The following TRIP12 variants were observed in gnomAD, a reference collection of about 807,000 sequenced individuals.
The protein encoded by TRIP12 is thyroid hormone receptor interactor 12.
A neutral mutation model predicts 244.2 loss-of-function variants in TRIP12; 25 were observed. That is an observed-to-expected ratio of 0.10 (90% CI 0.07 to 0.14). The LOEUF (loss-of-function observed/expected upper bound fraction) is 0.14, where lower values mean the gene tolerates loss of function less well. TRIP12 is among the 10% of genes least tolerant of loss of function. TRIP12 has a pLI of 1.00. For missense variants in TRIP12, 1,677 were observed against 2,486.4 expected, an observed-to-expected ratio of 0.67 and a Z score of 6.92; for synonymous variants, 905 against 873.1, an observed-to-expected ratio of 1.04 and a Z score of -0.64.
chr2:229,772,781 TTC>T (rs10628270), intron 38 of TRIP12, among the ~76,000 whole-genome samples: 20 of 150,390 alleles, frequency 1.3e-4, no homozygotes, highest in South Asian at 1.3e-3. Context: ...TTAACCTATA[TTC>T]TCTCTCTCTC....
chr2:229,839,989 T>C (rs1333791439), intron 5 of TRIP12, among the ~76,000 whole-genome samples: 1 of 152,224 alleles, frequency 6.6e-6, no homozygotes, highest in African/African-American at 2.4e-5. Context: ...AAAGGTGTTA[T>C]AAAAATTAAG....
chr2:229,908,923 T>G (rs2073639150), intron 1 of TRIP12, among the ~76,000 whole-genome samples: 1 of 150,886 alleles, frequency 6.6e-6, no homozygotes, highest in African/African-American at 2.4e-5. Context: ...GAGACCCCTC[T>G]ACAAAAAATA....
At chr2:229,795,037 T>C (rs2042472262) in intron 26 of TRIP12, 142 bp downstream of exon 26, 1 of 918,814 alleles carries the variant, frequency 1.1e-6, no homozygotes, top group Admixed American at 2.6e-5. Context: ...ATTCATTCTT[T>C]AGAGTGCTTA....
intron 1 of TRIP12, among the ~76,000 whole-genome samples, chr2:229,905,581 A>G (rs1047848739): frequency 2.0e-5 from 3 of 152,218 alleles, no homozygotes; most frequent in Non-Finnish European, 2.9e-5. Context: ...TGATCCCTTC[A>G]GGTAACAAAG....
chr2:229,819,372 G>A (rs903594606), intron 8 of TRIP12, among the ~76,000 whole-genome samples: 1 of 151,924 alleles, frequency 6.6e-6, no homozygotes, highest in African/African-American at 2.4e-5. Flanking sequence ...TGGCGAAACC[G>A]CATCTCCACT....
chr2:229,878,178 G>A (rs372174634), intron 2 of TRIP12, among the ~76,000 whole-genome samples: 15 of 152,270 alleles, frequency 9.9e-5, no homozygotes, highest in African/African-American at 3.1e-4. Flanking sequence ...AAGGCTGGGC[G>A]CGGTGGCTAA....
intron 33 of TRIP12, among the ~76,000 whole-genome samples, chr2:229,786,213 G>C (rs1356202291): frequency 6.6e-6 from 1 of 152,116 alleles, no homozygotes; most frequent in Non-Finnish European, 1.5e-5. Flanking sequence ...TTTAGATAGA[G>C]AAATAGATAT....
intron 1 of TRIP12, among the ~76,000 whole-genome samples, chr2:229,907,297 A>G (rs534534991): frequency 9.2e-5 from 14 of 152,196 alleles, no homozygotes; most frequent in Non-Finnish European, 1.8e-4. Context: ...AGAATCCTGA[A>G]AAGTATGTAT....
chr2:229,775,863 T>C (rs1324784802), intron 37 of TRIP12, among the ~76,000 whole-genome samples: 1 of 151,958 alleles, frequency 6.6e-6, no homozygotes, highest in Non-Finnish European at 1.5e-5. Flanking sequence ...CAGTTGGTTA[T>C]TATAATAAGT....
chr2:229,791,254 A>G lies in TRIP12; in HGVS notation c.4416-3T>C. 1 of 1,613,922 alleles carries G rather than the reference A, an allele frequency of 6.2e-7. No homozygotes were observed. The highest frequency in any genetic ancestry group is 8.5e-7 in the Non-Finnish European group (1 of 1,179,900). On this transcript the variant is annotated splice_region_variant and splice_polypyrimidine_tract_variant and intron_variant, in intron 29 of 41. Transcript: ENST00000675903. Reference sequence around the variant, plus strand: ...CATCCTCTCTCACAGGTTTATACCTAAAATGACAAGACAGTATATAAACCA... The same window carrying G: ...CATCCTCTCTCACAGGTTTATACCTGAAATGACAAGACAGTATATAAACCA...
chr2:229,885,828 A>T (rs2154358124), intron 1 of TRIP12, among the ~76,000 whole-genome samples: 1 of 152,158 alleles, frequency 6.6e-6, no homozygotes, highest in Admixed American at 6.5e-5. Context: ...CCTAGGCTCA[A>T]ATTCTGCCTC....
At chr2:229,814,168 A>G in intron 12 of TRIP12, 65 bp downstream of exon 12, 1 of 1,580,338 alleles carries the variant, frequency 6.3e-7, no homozygotes, top group South Asian at 1.1e-5. Context: ...AGTAGCCTGT[A>G]CAAATGTGGA....
At chr2:229,768,959 TATGTAA>T in intron 40 of TRIP12, among the ~76,000 whole-genome samples, 1 of 152,254 alleles carries the variant, frequency 6.6e-6, no homozygotes, top group Non-Finnish European at 1.5e-5. Context: ...TGCTTTACTA[TATGTAA>T]TAATGGGGAA....
intron 9 of TRIP12, 26 bp from the exon 10 acceptor site, chr2:229,815,334 G>T: frequency 7.5e-7 from 1 of 1,328,224 alleles, no homozygotes; most frequent in Admixed American, 2.1e-5. Flanking sequence ...CAAAATATTA[G>T]AAGCTATATT....
chr2:229,829,729 A>C (rs1285041155), intron 7 of TRIP12, among the ~76,000 whole-genome samples: 1 of 152,196 alleles, frequency 6.6e-6, no homozygotes, highest in Non-Finnish European at 1.5e-5. Flanking sequence ...CGGGAGGATC[A>C]CCTGAGGTCA....
chr2:229,830,312 C>T (rs1036237852), intron 7 of TRIP12, among the ~76,000 whole-genome samples: 2 of 152,078 alleles, frequency 1.3e-5, no homozygotes, highest in East Asian at 1.9e-4. Context: ...GTGAAAAGTC[C>T]GACCTTGGTG....
At chr2:229,773,207 C>T (rs2035079432) in intron 38 of TRIP12, among the ~76,000 whole-genome samples, 1 of 151,820 alleles carries the variant, frequency 6.6e-6, no homozygotes, top group African/African-American at 2.4e-5. Flanking sequence ...TCCTCAGTAA[C>T]TGGGACTACA....
At chr2:229,788,660 A>G in intron 32 of TRIP12, 138 bp downstream of exon 32, 1 of 1,184,142 alleles carries the variant, frequency 8.4e-7, no homozygotes, top group South Asian at 1.6e-5. Context: ...CTAAAGCCAC[A>G]CAATTAAGCA....
At chr2:229,802,839 T>C (rs1373907033) in intron 20 of TRIP12, among the ~76,000 whole-genome samples, 1 of 151,782 alleles carries the variant, frequency 6.6e-6, no homozygotes. Flanking sequence ...AGACCAAGAA[T>C]CAGTTAACTT....
Sources: allele counts gnomAD v4.1 joint callset (sites outside exome capture counted in the v4.1 genomes callset), GRCh38; gene constraint gnomAD v4.1.1; transcripts MANE v1.5; gene names NCBI Gene and HGNC (gene_info 2026-07-23, HGNC 2026-07-21).